The following IL1R1 variants were observed in gnomAD, a reference collection of about 807,000 sequenced individuals.
The protein encoded by IL1R1 is interleukin 1 receptor type 1.
IL1R1 carries 22 observed loss-of-function variants against 50.2 expected under a neutral mutation model. That is an observed-to-expected ratio of 0.44 (90% CI 0.31 to 0.63). IL1R1 has a LOEUF of 0.63. Among genes scored for constraint, IL1R1 ranks in the 20% least tolerant of loss-of-function variants. IL1R1 has a pLI of 0.07. For synonymous variants in IL1R1, 251 were observed against 236.7 expected (o/e 1.06, Z -0.55); for missense variants, 509 against 676.2 (o/e 0.75, Z 2.74).
intron 1 of IL1R1, among the ~76,000 whole-genome samples, chr2:102,149,459 A>G (rs1219703240): frequency 1.3e-5 from 2 of 152,190 alleles, no homozygotes; most frequent in African/African-American, 4.8e-5. Flanking sequence ...ATTTGGCCCT[A>G]TGCCTTGGCG....
chr2:102,131,779 A>G (rs1682047350), intron 1 of IL1R1, among the ~76,000 whole-genome samples: 1 of 152,208 alleles, frequency 6.6e-6, no homozygotes, highest in Admixed American at 6.5e-5. Flanking sequence ...GACAGGAAAA[A>G]TATTTGAAGA....
At chr2:102,077,122 G>A (rs979044674) in intron 1 of IL1R1, among the ~76,000 whole-genome samples, 1 of 151,982 alleles carries the variant, frequency 6.6e-6, no homozygotes, top group Non-Finnish European at 1.5e-5. Flanking sequence ...CCAGGCTGGA[G>A]TATAGTGGTG....
At chr2:102,080,288 A>G (rs1679149687) in intron 1 of IL1R1, among the ~76,000 whole-genome samples, 1 of 152,210 alleles carries the variant, frequency 6.6e-6, no homozygotes, top group South Asian at 2.1e-4. Context: ...TAAGAAAGTG[A>G]AAATATAGCT....
At chr2:102,097,251 T>C (rs1411614907) in intron 1 of IL1R1, among the ~76,000 whole-genome samples, 1 of 152,206 alleles carries the variant, frequency 6.6e-6, no homozygotes, top group Non-Finnish European at 1.5e-5. Flanking sequence ...ATAGGGATGA[T>C]GGAAACTCAC....
chr2:102,158,397 A>T (rs1474738926), intron 3 of IL1R1, among the ~76,000 whole-genome samples: 1 of 152,166 alleles, frequency 6.6e-6, no homozygotes, highest in Admixed American at 6.5e-5. Context: ...AAAAGAGTAT[A>T]AGGTTTTGGC....
upstream of IL1R1, chr2:102,142,112 G>C (rs911890036): frequency 1.3e-5 from 2 of 152,210 alleles, no homozygotes; most frequent in South Asian, 4.2e-4. Flanking sequence ...TTTTTCATCC[G>C]GGCGCGTAAC....
intron 10 of IL1R1, 126 bp from the exon 11 acceptor site, chr2:102,175,352 C>T (rs1686033755): frequency 1.4e-6 from 1 of 731,406 alleles, no homozygotes; most frequent in Non-Finnish European, 2.4e-6. Flanking sequence ...GGTATTGCTG[C>T]TTCAGTCATG....
intron 1 of IL1R1, among the ~76,000 whole-genome samples, chr2:102,098,120 A>G (rs1412889728): frequency 5.9e-5 from 9 of 152,110 alleles, no homozygotes. Flanking sequence ...ATCTCAGGCA[A>G]TCTATTAATA....
upstream of IL1R1, among the ~76,000 whole-genome samples, chr2:102,139,492 C>A: frequency 6.6e-6 from 1 of 152,188 alleles, no homozygotes; most frequent in East Asian, 1.9e-4. Flanking sequence ...CAGGAGGAGG[C>A]CAGGTGATGC....
At chr2:102,118,513 G>A (rs1224299440) in intron 1 of IL1R1, among the ~76,000 whole-genome samples, 1 of 152,116 alleles carries the variant, frequency 6.6e-6, no homozygotes, top group Non-Finnish European at 1.5e-5. Flanking sequence ...AGACATATAG[G>A]TGACAACTTG....
At chr2:102,127,285 G>C (rs1681767018) in intron 1 of IL1R1, among the ~76,000 whole-genome samples, 1 of 152,222 alleles carries the variant, frequency 6.6e-6, no homozygotes, top group African/African-American at 2.4e-5. Flanking sequence ...AGGAGGCAAA[G>C]ATGGCAGAGA....
In IL1R1 at chr2:102,179,765, C is replaced by T. The variant is rs201953030; in HGVS notation, c.*3006C>T. 2.0e-5 allele frequency: 3 copies of T among 152,682 alleles called. No individual in the cohort carries two copies. Among genetic ancestry groups the T allele is most frequent in the Non-Finnish European group, 4.4e-5 (3 of 68,040 alleles). 9.5% of individuals were successfully genotyped at this position (152,682 alleles called of 1,614,324 possible). On this transcript the variant is annotated 3_prime_UTR_variant, in exon 12 of 12. Transcript: ENST00000410023. The stretch of plus-strand genomic sequence containing the variant: ...TTAACCTGTTTATATAATTTTGCAG[C>T]AGAAGCCAAATTTTTTGTATATTAA...
chr2:102,147,329 C>G (rs1287432465), intron 1 of IL1R1, among the ~76,000 whole-genome samples: 1 of 152,128 alleles, frequency 6.6e-6, no homozygotes, highest in Non-Finnish European at 1.5e-5. Flanking sequence ...AGGCTTAGTC[C>G]TCTGAAACTG....
intron 1 of IL1R1, among the ~76,000 whole-genome samples, chr2:102,080,689 A>G (rs1679166058): frequency 1.3e-5 from 2 of 152,224 alleles, no homozygotes; most frequent in African/African-American, 4.8e-5. Flanking sequence ...GAGTTGCCAT[A>G]TGACTCAGCA....
At chr2:102,108,227 T>C (rs890618777) in intron 1 of IL1R1, among the ~76,000 whole-genome samples, 7 of 103,850 alleles carry the variant, frequency 6.7e-5, no homozygotes, top group Admixed American at 4.0e-4. Flanking sequence ...TGTGTGTATG[T>C]ATGTGTGTGT....
chr2:102,172,657 A>C, intron 8 of IL1R1, 30 bp from the exon 9 acceptor site: 1 of 1,561,134 alleles, frequency 6.4e-7, no homozygotes, highest in Non-Finnish European at 8.7e-7. Flanking sequence ...ATTAACTTAC[A>C]CAAGTTTATT....
chr2:102,073,776 G>T (rs1391810430), intron 1 of IL1R1, among the ~76,000 whole-genome samples: 1 of 152,006 alleles, frequency 6.6e-6, no homozygotes, highest in East Asian at 1.9e-4. Flanking sequence ...CACCATTTAC[G>T]GTCAACAAAT....
At chr2:102,149,493 G>C (rs957728129) in intron 1 of IL1R1, among the ~76,000 whole-genome samples, 12 of 152,190 alleles carry the variant, frequency 7.9e-5, no homozygotes, top group African/African-American at 2.7e-4. Flanking sequence ...AGCTTGGCCA[G>C]ACACATCCCT....
At position 102,178,074 on chromosome 2, in the gene IL1R1, C is replaced by T. The variant is rs201384011; in HGVS notation, c.*1315C>T. On this transcript the variant is annotated 3_prime_UTR_variant, in exon 12 of 12. Coordinates refer to ENST00000410023, the MANE Select transcript of IL1R1 (RefSeq NM_000877.4). ...TCGCCTGCCCCCAGCACTCCTCTGT[C>T]TCTGCTCTTGCCTGCACCCTTCCTC... The T allele has an allele frequency of 1.3e-5, 2 of 153,266 alleles. No individual in the cohort carries two copies. Among genetic ancestry groups the T allele is most frequent in the South Asian group, 2.1e-4 (1 of 4,846 alleles). The allele number at this position is 153,266 out of a possible 1,614,324, so 9.5% of individuals were successfully genotyped here.
Sources: gnomAD v4.1 joint callset for allele counts (sites outside exome capture counted in the v4.1 genomes callset) on GRCh38, gnomAD v4.1.1 for gene constraint, MANE v1.5 for transcripts, NCBI Gene and HGNC (gene_info 2026-07-23, HGNC 2026-07-21) for gene names.